PRRC2C: variants seen among roughly 807,000 people sequenced by gnomAD.
The protein encoded by PRRC2C is proline rich coiled-coil 2C, also known as protein PRRC2C.
Under a neutral mutation model 317.2 loss-of-function variants are expected in PRRC2C, and 72 were observed. The observed-to-expected ratio is 0.23, with a 90% CI of 0.19 to 0.28. PRRC2C has a LOEUF of 0.28. Among genes scored for constraint, PRRC2C ranks in the 10% least tolerant of loss-of-function variants. PRRC2C has a pLI of 1.00. For synonymous variants in PRRC2C, 1,296 were observed against 1,205.9 expected (o/e 1.07, Z -1.55); for missense variants, 3,074 against 3,459.7 (o/e 0.89, Z 2.80).
chr1:171,549,266 G>C (rs1368617711), intron 17 of PRRC2C, among the ~76,000 whole-genome samples: 1 of 152,120 alleles, frequency 6.6e-6, no homozygotes, highest in Non-Finnish European at 1.5e-5. Context: ...GAAACTGTTG[G>C]CCTGAAATGG....
intron 28 of PRRC2C, 89 bp from the exon 29 acceptor site, chr1:171,583,867 T>C (rs1649264694): frequency 1.9e-6 from 2 of 1,059,188 alleles, no homozygotes; most frequent in Non-Finnish European, 2.8e-6. Context: ...CATGACTGTA[T>C]TGGGTCATTT....
At chr1:171,499,830 CA>C (rs577697267) in intron 1 of PRRC2C, among the ~76,000 whole-genome samples, 1 of 151,828 alleles carries the variant, frequency 6.6e-6, no homozygotes, top group Non-Finnish European at 1.5e-5. Context: ...GGAGCAATGG[CA>C]AGAAGAGACA....
intron 31 of PRRC2C, 131 bp downstream of exon 31, chr1:171,587,352 A>G: frequency 1.2e-6 from 1 of 851,728 alleles, no homozygotes; most frequent in Non-Finnish European, 1.8e-6. Context: ...AAACCCCAGT[A>G]TATTTACATT....
In PRRC2C at chr1:171,584,046, C is replaced by T; in HGVS notation, c.7500C>T (p.His2500=). 6.2e-7 allele frequency: 1 copy of T among 1,613,992 alleles called. No individual in the cohort carries two copies. Among genetic ancestry groups the T allele is most frequent in the Non-Finnish European group, 8.5e-7 (1 of 1,179,838 alleles). The change falls in exon 29 of 35, where the codon CAC becomes CAT. Residue 2500 remains histidine, a synonymous_variant. Coordinates refer to ENST00000647382, the MANE Select transcript of PRRC2C (RefSeq NM_001387844.1). The part of the protein sequence containing the change: ...TAIHNFPTVQ[H]QELAKAQSGL... The stretch of plus-strand genomic sequence containing the variant: ...TTCACAACTTTCCAACTGTCCAACA[C>T]CAAGAACTTGCCAAGGCACAATCCG...
chr1:171,521,173 T>C (rs942470875), intron 6 of PRRC2C, among the ~76,000 whole-genome samples: 1 of 152,230 alleles, frequency 6.6e-6, no homozygotes, highest in Admixed American at 6.5e-5. Context: ...AATTTTCTTA[T>C]CTAACACACA....
At chr1:171,486,727 T>C (rs1666195936) in intron 1 of PRRC2C, among the ~76,000 whole-genome samples, 1 of 152,130 alleles carries the variant, frequency 6.6e-6, no homozygotes, top group Admixed American at 6.5e-5. Flanking sequence ...AAGATTTTCA[T>C]TTGGAATGCA....
At chr1:171,507,509 G>A (rs1248302971) in intron 1 of PRRC2C, among the ~76,000 whole-genome samples, 3 of 152,140 alleles carry the variant, frequency 2.0e-5, no homozygotes, top group African/African-American at 7.2e-5. Flanking sequence ...TACTTGGGAG[G>A]CAGAAGCAGG....
In PRRC2C at chr1:171,563,836, G is replaced by A. The variant is rs78386870; in HGVS notation, c.6118-2397G>A. ...TTAGCATCATGATTAGTCATAGAGA[G>A]CATTTCAGGATTTTTCATGCTGGTA... On this transcript the variant is annotated intron_variant, in intron 20 of 34. Coordinates refer to ENST00000647382, the MANE Select transcript of PRRC2C (RefSeq NM_001387844.1). 3.9e-3 allele frequency among the ~76,000 whole-genome samples: 589 copies of A among 152,212 alleles called. 3 individuals are homozygous for A. The highest frequency in any genetic ancestry group is 0.013 in the African/African-American group (536 of 41,534).
intron 24 of PRRC2C, among the ~76,000 whole-genome samples, chr1:171,574,166 TATAAA>T (rs770191333): frequency 1.3e-5 from 2 of 152,068 alleles, no homozygotes; most frequent in East Asian, 1.9e-4. Flanking sequence ...TAAAAAAACT[TATAAA>T]ATATCAATTT....
intron 17 of PRRC2C, 133 bp downstream of exon 17, chr1:171,545,820 A>T: frequency 1.9e-6 from 1 of 528,046 alleles, no homozygotes; most frequent in African/African-American, 2.0e-5. Context: ...CATTCAAGGT[A>T]TACATAGTGG....
chr1:171,586,792 T>A (rs1344098869), intron 30 of PRRC2C, among the ~76,000 whole-genome samples: 2 of 151,680 alleles, frequency 1.3e-5, no homozygotes, highest in Admixed American at 6.6e-5. Flanking sequence ...TTCACCATGT[T>A]GGCCAGGATG....
At position 171,535,494 on chromosome 1, in the gene PRRC2C, A is replaced by C. The variant is rs774911913; in HGVS notation, c.1940A>C (p.His647Pro). ...GAAAAGGAAGCCACACCAGTGGTGCATGAAACAGAACCAGAATCAGGGTCT... is the reference window on the plus strand; with the variant it reads ...GAAAAGGAAGCCACACCAGTGGTGCCTGAAACAGAACCAGAATCAGGGTCT... ...RSEKEATPVV[H>P]ETEPESGSQP... The change falls in exon 13 of 35, where the codon CAT (histidine) becomes CCT (proline). Residue 647 changes from histidine to proline, a missense_variant. Physicochemically the swap from His to Pro is moderately conservative, Grantham distance 77. Transcript: ENST00000647382. 69 of 1,613,906 alleles carry C rather than the reference A, an allele frequency of 4.3e-5. No individual in the cohort carries two copies. The highest frequency in any genetic ancestry group is 5.3e-5 in the Non-Finnish European group (62 of 1,179,884).
rs1558003651 is a variant in PRRC2C at position 171,559,512 on chromosome 1, T to TG, written c.6031+1369_6031+1370insG. ...TACAAAATGGCATACCAAGTTTGTT[T>TG]TTTTTTTTTTTTTTTTTTTTTTTTT... On this transcript the variant is annotated intron_variant, in intron 19 of 34. Coordinates refer to ENST00000647382, the MANE Select transcript of PRRC2C (RefSeq NM_001387844.1). 7.4e-4 allele frequency among the ~76,000 whole-genome samples: 5 copies of TG among 6,790 alleles called. No homozygotes were observed. The East Asian group carries it at 0.04, about 54-fold the overall frequency. The allele number at this position is 6,790 out of a possible 152,430, so 4.5% of individuals were successfully genotyped here.
At chr1:171,549,590 C>T (rs143235898) in intron 17 of PRRC2C, among the ~76,000 whole-genome samples, 140 of 152,018 alleles carry the variant, frequency 9.2e-4, no homozygotes, top group Admixed American at 3.1e-3. Flanking sequence ...TGGACAGAGT[C>T]GCACTCTGTC....
chr1:171,491,297 G>C (rs1667097115), intron 1 of PRRC2C, among the ~76,000 whole-genome samples: 1 of 152,064 alleles, frequency 6.6e-6, no homozygotes, highest in Non-Finnish European at 1.5e-5. Context: ...AAGGTACAGG[G>C]CTGCTATATA....
chr1:171,520,175 C>A (rs1673284966), intron 6 of PRRC2C, among the ~76,000 whole-genome samples: 1 of 152,114 alleles, frequency 6.6e-6, no homozygotes, highest in African/African-American at 2.4e-5. Flanking sequence ...GTTGGCTGGG[C>A]TAGTCTCGAT....
At chr1:171,561,139 A>G in intron 20 of PRRC2C, 36 bp downstream of exon 20, 1 of 1,515,076 alleles carries the variant, frequency 6.6e-7, no homozygotes, top group Non-Finnish European at 9.2e-7. Flanking sequence ...GGTGTGCTGG[A>G]TTTTCCCTAA....
intron 20 of PRRC2C, among the ~76,000 whole-genome samples, chr1:171,563,431 T>A (rs1201776764): frequency 6.6e-6 from 1 of 152,188 alleles, no homozygotes; most frequent in Non-Finnish European, 1.5e-5. Flanking sequence ...CAACCATTTA[T>A]AATTTTTTTC....
At chr1:171,588,666 C>T (rs958913573) in intron 33 of PRRC2C, among the ~76,000 whole-genome samples, 161 bp downstream of exon 33, 3 of 152,184 alleles carry the variant, frequency 2.0e-5, no homozygotes, top group East Asian at 1.9e-4. Context: ...AGATAGTCTG[C>T]GATTTATAGC....
Sources: gnomAD v4.1 joint callset for allele counts (sites outside exome capture counted in the v4.1 genomes callset) on GRCh38, gnomAD v4.1.1 for gene constraint, MANE v1.5 for transcripts, NCBI Gene and HGNC (gene_info 2026-07-23, HGNC 2026-07-21) for gene names.